Variants in CLECL1 observed in about 807,000 individuals in gnomAD.
The protein encoded by CLECL1 is C-type lectin like 1, also known as C-type lectin-like domain family 1.
downstream of CLECL1, among the ~76,000 whole-genome samples, chr12:9,711,254 A>G (rs904999904): frequency 6.6e-6 from 1 of 152,184 alleles, no homozygotes; most frequent in African/African-American, 2.4e-5. Flanking sequence ...AACTTTTCCC[A>G]TTTCACATTC....
downstream of CLECL1, among the ~76,000 whole-genome samples, chr12:9,712,753 ATAAATG>A (rs1385976788): frequency 6.6e-6 from 1 of 152,176 alleles, no homozygotes; most frequent in Non-Finnish European, 1.5e-5. Context: ...AGTTTTAATC[ATAAATG>A]TTTGCTGAAT....
intron 1 of CLECL1, 104 bp downstream of exon 1, chr12:9,732,845 A>T: frequency 1.1e-6 from 1 of 945,852 alleles, no homozygotes; most frequent in South Asian, 2.0e-5. Context: ...TTTGCTTTGA[A>T]TCCAATCTCC....
downstream of CLECL1, among the ~76,000 whole-genome samples, chr12:9,713,038 C>T (rs1339246915): frequency 2.6e-5 from 4 of 152,124 alleles, no homozygotes; most frequent in Non-Finnish European, 5.9e-5. Flanking sequence ...ATCTGAGCTC[C>T]CCGAATGCAC....
At chr12:9,703,415 G>A in the CLECL1 span, among the ~76,000 whole-genome samples, 1 of 128,062 alleles carries the variant, frequency 7.8e-6, no homozygotes, top group African/African-American at 3.0e-5. Context: ...TATTTATTGA[G>A]ACAAGGTCTC....
At chr12:9,706,929 C>G in the CLECL1 span, among the ~76,000 whole-genome samples, 1 of 152,122 alleles carries the variant, frequency 6.6e-6, no homozygotes, top group Non-Finnish European at 1.5e-5. Flanking sequence ...AGGAATGGTA[C>G]CAGCTTTTCT....
chr12:9,708,038 G>A, the CLECL1 span, among the ~76,000 whole-genome samples: 1 of 152,144 alleles, frequency 6.6e-6, no homozygotes, highest in African/African-American at 2.4e-5. Context: ...CGGGTGCCTG[G>A]GTGTGCCCAC....
downstream of CLECL1, among the ~76,000 whole-genome samples, chr12:9,720,405 C>T (rs562057121): frequency 6.1e-5 from 9 of 148,514 alleles, no homozygotes; most frequent in Non-Finnish European, 1.0e-4. Flanking sequence ...GCGGTGGCTG[C>T]GATTATGGCT....
intron 3 of CLECL1, among the ~76,000 whole-genome samples, chr12:9,723,835 C>T (rs111872115): frequency 6.6e-6 from 1 of 152,088 alleles, no homozygotes. Flanking sequence ...TGAGACTTGA[C>T]CTGCTGCCCC....
chr12:9,708,449 A>G, the CLECL1 span, among the ~76,000 whole-genome samples: 1 of 152,198 alleles, frequency 6.6e-6, no homozygotes, highest in East Asian at 1.9e-4. Flanking sequence ...ACGCCTTTTC[A>G]GTCCCAAACT....
downstream of CLECL1, among the ~76,000 whole-genome samples, chr12:9,714,855 G>A (rs778954998): frequency 2.0e-5 from 3 of 152,196 alleles, no homozygotes; most frequent in Non-Finnish European, 4.4e-5. Flanking sequence ...ACAAATTTCC[G>A]GTTTTTCCTG....
chr12:9,709,363 A>C, the CLECL1 span: 2 of 151,964 alleles, frequency 1.3e-5, no homozygotes, highest in Non-Finnish European at 2.9e-5. Context: ...AGAAATCCTC[A>C]CTCTAAACAA....
rs146362062 is a variant in CLECL1 at position 9,722,722 on chromosome 12, C to G, written n.354G>C. ...CATTTTGACTTTTGTTCCAAGATTT[C>G]TTAGTTTCAGCAATCCAGTAACATT... On this transcript the variant is annotated non_coding_transcript_exon_variant, in exon 4 of 4. Coordinates refer to ENST00000621400, the Ensembl canonical transcript of CLECL1. 10 of 1,613,810 alleles carry G rather than the reference C, an allele frequency of 6.2e-6. No homozygotes were observed. The African/African-American group carries it at 1.2e-4, about 19-fold the overall frequency.
At chr12:9,706,714 C>G in the CLECL1 span, among the ~76,000 whole-genome samples, 56,223 of 152,026 alleles carry the variant, frequency 0.37, 12,108 homozygotes, top group East Asian at 0.59. Context: ...CCGACTTGAT[C>G]GTGGTGAATA....
the CLECL1 span, among the ~76,000 whole-genome samples, chr12:9,708,314 G>A: frequency 2.0e-5 from 3 of 152,030 alleles, no homozygotes; most frequent in African/African-American, 7.3e-5. Context: ...TAAGTGAGAG[G>A]GCTCCCCATT....
upstream of CLECL1, chr12:9,733,447 T>C (rs1278220790): frequency 1.8e-6 from 1 of 550,982 alleles, no homozygotes; most frequent in Non-Finnish European, 3.2e-6. Context: ...AGGATAGCTA[T>C]TTGGGAAACA....
downstream of CLECL1, among the ~76,000 whole-genome samples, chr12:9,722,052 C>T (rs12824727): frequency 0.22 from 33,815 of 152,026 alleles, 4,848 homozygotes; most frequent in African/African-American, 0.41. Context: ...AACTGAGCTA[C>T]TGACATAGCT....
At chr12:9,716,675 A>T in exon 3 of CLECL1, 1 of 699,006 alleles carries the variant, frequency 1.4e-6, no homozygotes, top group Non-Finnish European at 2.0e-6. Context: ...GCCTCTTCCT[A>T]AGAAGACCCC....
chr12:9,720,097 C>G (rs1402268022), downstream of CLECL1, among the ~76,000 whole-genome samples: 1 of 152,076 alleles, frequency 6.6e-6, no homozygotes, highest in Admixed American at 6.6e-5. Flanking sequence ...TAGTGCCTGG[C>G]CTGCTCAGGT....
intron 1 of CLECL1, 115 bp downstream of exon 1, chr12:9,732,834 T>G: frequency 1.2e-6 from 1 of 800,688 alleles, no homozygotes; most frequent in Non-Finnish European, 1.9e-6. Flanking sequence ...ATTCAATGAA[T>G]TTTGCTTTGA....
Sources: allele counts gnomAD v4.1 joint callset (sites outside exome capture counted in the v4.1 genomes callset), GRCh38; gene constraint gnomAD v4.1.1; transcripts MANE v1.5; gene names NCBI Gene and HGNC (gene_info 2026-07-23, HGNC 2026-07-21).